The following SCAMP1 variants were observed in gnomAD, a reference collection of about 807,000 sequenced individuals.
SCAMP1 encodes secretory carrier membrane protein 1.
SCAMP1 carries 15 observed loss-of-function variants against 41.8 expected under a neutral mutation model. That is an observed-to-expected ratio of 0.36 (90% CI 0.24 to 0.55). The LOEUF (loss-of-function observed/expected upper bound fraction) is 0.55. SCAMP1 is among the 20% of genes least tolerant of loss of function. SCAMP1 has a pLI of 0.86. For synonymous variants in SCAMP1, 135 were observed against 136.8 expected, an observed-to-expected ratio of 0.99 and a Z score of 0.09; for missense variants, 341 against 412.6, an observed-to-expected ratio of 0.83 and a Z score of 1.50.
chr5:78,366,310 A>G lies in SCAMP1; in HGVS notation c.57+5582A>G, dbSNP rs181379737. Among the ~76,000 whole-genome samples, 508 of 151,818 alleles carry G rather than the reference A, an allele frequency of 3.3e-3. 3 individuals carry two copies. The highest frequency in any genetic ancestry group is 0.014 in the Middle Eastern group (4 of 294). On this transcript the variant is annotated intron_variant, in intron 1 of 8. Transcript: ENST00000621999. ...AGGTGCATGCCACCATGCCCAGCTA[A>G]TTTTTGTATTTTTAGTAGAGACGGA...
At chr5:78,406,987 G>T (rs1209875423) in intron 2 of SCAMP1, among the ~76,000 whole-genome samples, 1 of 152,194 alleles carries the variant, frequency 6.6e-6, no homozygotes, top group Non-Finnish European at 1.5e-5. Flanking sequence ...AGCCAAAGTA[G>T]TGGCAGACAC....
chr5:78,452,342 C>T (rs1270885640), intron 7 of SCAMP1, among the ~76,000 whole-genome samples: 2 of 128,140 alleles, frequency 1.6e-5, no homozygotes, highest in African/African-American at 2.9e-5. Context: ...CCCTCCCTCC[C>T]CCCACCCCAC....
intron 2 of SCAMP1, among the ~76,000 whole-genome samples, chr5:78,411,688 T>A (rs1359754306): frequency 1.3e-5 from 2 of 152,152 alleles, no homozygotes; most frequent in Non-Finnish European, 2.9e-5. Flanking sequence ...TGTTGGACAT[T>A]TGGGGTTTTG....
At chr5:78,447,075 G>A (rs1197544040) in intron 6 of SCAMP1, among the ~76,000 whole-genome samples, 1 of 152,212 alleles carries the variant, frequency 6.6e-6, no homozygotes, top group Non-Finnish European at 1.5e-5. Context: ...TGTGAACTGC[G>A]TGTGCAAAGG....
chr5:78,397,955 T>C (rs1751694717), intron 2 of SCAMP1, among the ~76,000 whole-genome samples: 1 of 152,182 alleles, frequency 6.6e-6, no homozygotes. Context: ...ATAGCGAGTA[T>C]TGGCAAGGAT....
intron 4 of SCAMP1, among the ~76,000 whole-genome samples, chr5:78,417,335 A>G (rs1752233837): frequency 6.6e-6 from 1 of 152,260 alleles, no homozygotes; most frequent in Non-Finnish European, 1.5e-5. Context: ...GTGTAAGTCT[A>G]GGGCCTCATG....
intron 6 of SCAMP1, among the ~76,000 whole-genome samples, chr5:78,447,151 C>T (rs962965636): frequency 1.3e-5 from 2 of 152,196 alleles, no homozygotes; most frequent in East Asian, 3.9e-4. Flanking sequence ...GATCCTGAAA[C>T]CATCCCACCC....
intron 3 of SCAMP1, among the ~76,000 whole-genome samples, chr5:78,416,036 G>A (rs1286975620): frequency 6.6e-6 from 1 of 152,022 alleles, no homozygotes; most frequent in Non-Finnish European, 1.5e-5. Flanking sequence ...AGCATGTAAG[G>A]GCAAATTGAG....
chr5:78,425,551 A>C (rs1188790802), intron 6 of SCAMP1, among the ~76,000 whole-genome samples: 1 of 152,162 alleles, frequency 6.6e-6, no homozygotes. Context: ...TATACAGGTT[A>C]TTTTATATGC....
rs1352514952 is a variant in SCAMP1 at position 78,478,312 on chromosome 5, TA to T, written c.*2645del. On this transcript the variant is annotated 3_prime_UTR_variant, in exon 9 of 9. Transcript: ENST00000621999. Reference sequence around the variant, plus strand: ...GTTTGTATAATTTTGAACACTATAATAGCAATTCAGAGACAGACATTGTTAA... The same window carrying T: ...GTTTGTATAATTTTGAACACTATAATGCAATTCAGAGACAGACATTGTTAA... The T allele has an allele frequency of 6.6e-6, 1 of 152,604 alleles. No individual in the cohort carries two copies. Among genetic ancestry groups the T allele is most frequent in the East Asian group, 1.9e-4 (1 of 5,198 alleles). The allele number at this position is 152,604 out of a possible 1,614,324, so 9.5% of individuals were successfully genotyped here.
chr5:78,435,785 C>T (rs111654057), intron 6 of SCAMP1, among the ~76,000 whole-genome samples: 4,948 of 152,224 alleles, frequency 0.033, 249 homozygotes, highest in African/African-American at 0.11. Context: ...CTTCTAGATC[C>T]TTGAGGAATT....
intron 6 of SCAMP1, among the ~76,000 whole-genome samples, chr5:78,446,437 A>G (rs1753053895): frequency 6.6e-6 from 1 of 152,086 alleles, no homozygotes; most frequent in African/African-American, 2.4e-5. Context: ...TACTTTATAT[A>G]TTTATAATGT....
chr5:78,414,779 T>G (rs907646495), intron 2 of SCAMP1, among the ~76,000 whole-genome samples: 1 of 152,088 alleles, frequency 6.6e-6, no homozygotes, highest in African/African-American at 2.4e-5. Flanking sequence ...TTATTTTCTC[T>G]CTCCTTACGC....
At chr5:78,434,800 A>G (rs901475136) in intron 6 of SCAMP1, among the ~76,000 whole-genome samples, 2 of 152,234 alleles carry the variant, frequency 1.3e-5, no homozygotes, top group African/African-American at 4.8e-5. Context: ...GTTAGCTTCC[A>G]GTTTGAAAAT....
At chr5:78,439,371 T>G (rs1258724206) in intron 6 of SCAMP1, among the ~76,000 whole-genome samples, 1 of 152,210 alleles carries the variant, frequency 6.6e-6, no homozygotes, top group Non-Finnish European at 1.5e-5. Context: ...TTTTTCCATG[T>G]TTAGTGCTTC....
intron 6 of SCAMP1, among the ~76,000 whole-genome samples, chr5:78,439,225 A>G (rs1326750306): frequency 6.6e-6 from 1 of 151,968 alleles, no homozygotes; most frequent in Non-Finnish European, 1.5e-5. Flanking sequence ...TTTAGGGTTA[A>G]TATTGTTATG....
chr5:78,405,635 T>C (rs988265143), intron 2 of SCAMP1, among the ~76,000 whole-genome samples: 5 of 152,212 alleles, frequency 3.3e-5, no homozygotes, highest in Admixed American at 3.3e-4. Context: ...TTGTTTATCT[T>C]CTGTTGCTGG....
chr5:78,454,500 T>A (rs1419184158), intron 7 of SCAMP1, among the ~76,000 whole-genome samples: 3 of 151,344 alleles, frequency 2.0e-5, no homozygotes, highest in Non-Finnish European at 4.4e-5. Flanking sequence ...GATTTGCATA[T>A]ATTGAACCAG....
At chr5:78,374,148 T>C (rs1751009792) in intron 1 of SCAMP1, among the ~76,000 whole-genome samples, 1 of 152,112 alleles carries the variant, frequency 6.6e-6, no homozygotes, top group Non-Finnish European at 1.5e-5. Flanking sequence ...ATCCACACTT[T>C]AGTTGGGAGA....
Sources: allele counts gnomAD v4.1 joint callset (sites outside exome capture counted in the v4.1 genomes callset), GRCh38; gene constraint gnomAD v4.1.1; transcripts MANE v1.5; gene names NCBI Gene and HGNC (gene_info 2026-07-23, HGNC 2026-07-21).